The following FRMPD4 variants were observed in gnomAD, a reference collection of about 807,000 sequenced individuals.
FRMPD4 encodes the protein FERM and PDZ domain containing 4.
In FRMPD4, 22 loss-of-function variants were observed where a neutral mutation model predicts 94.1. That is an observed-to-expected ratio of 0.23 (90% CI 0.17 to 0.33). The LOEUF (loss-of-function observed/expected upper bound fraction) is 0.33, where lower values mean the gene tolerates loss of function less well. Among genes scored for constraint, FRMPD4 ranks in the 10% least tolerant of loss-of-function variants. FRMPD4 has a pLI of 1.00. For missense variants in FRMPD4, 1,111 were observed against 1,339.9 expected, an observed-to-expected ratio of 0.83 and a Z score of 2.67; for synonymous variants, 631 against 548.6, an observed-to-expected ratio of 1.15 and a Z score of -2.10.
At chrX:12,011,581 G>A (rs1255173936) in intron 3 of FRMPD4, among the ~76,000 whole-genome samples, 1 of 111,889 alleles carries the variant, frequency 8.9e-6, no homozygotes, top group African/African-American at 3.3e-5. Flanking sequence ...CAACCTTGAA[G>A]TACTGGCTTA....
At chrX:12,552,626 C>T (rs1385873075) in intron 2 of FRMPD4, among the ~76,000 whole-genome samples, 1 of 112,057 alleles carries the variant, frequency 8.9e-6, no homozygotes, top group Admixed American at 9.5e-5. Flanking sequence ...GCTCAATTCA[C>T]AGATTCTTTT....
At chrX:12,135,062 G>T (rs1443865267), upstream of FRMPD4, among the ~76,000 whole-genome samples, 2 of 112,119 alleles carry the variant, frequency 1.8e-5, no homozygotes, top group Non-Finnish European at 3.8e-5. Context: ...TTGAAAGTGT[G>T]TCTGGTTTTC....
At chrX:12,577,304 A>T (rs935854121) in intron 2 of FRMPD4, among the ~76,000 whole-genome samples, 1 of 111,514 alleles carries the variant, frequency 9.0e-6, no homozygotes, top group East Asian at 2.8e-4. Context: ...AATATGATAC[A>T]TGCAATGGGA....
intron 1 of FRMPD4, among the ~76,000 whole-genome samples, chrX:12,254,561 C>G (rs2054088898): frequency 8.9e-6 from 1 of 112,015 alleles, no homozygotes; most frequent in Admixed American, 9.5e-5. Context: ...CAGTTTTCTG[C>G]TCATCTCAGT....
chrX:11,947,781 A>T (rs1326252876), intron 3 of FRMPD4, among the ~76,000 whole-genome samples: 1 of 111,418 alleles, frequency 9.0e-6, no homozygotes, highest in South Asian at 3.8e-4. Context: ...TATCAATATT[A>T]ACTTTAAAAT....
intron 2 of FRMPD4, among the ~76,000 whole-genome samples, chrX:12,607,788 G>T (rs1159302554): frequency 3.6e-5 from 4 of 111,954 alleles, no homozygotes; most frequent in Non-Finnish European, 1.9e-5. Context: ...TTTTCCTACT[G>T]TTCCACCTCC....
At chrX:11,996,204 CTT>C (rs2054495437) in intron 3 of FRMPD4, among the ~76,000 whole-genome samples, 1 of 111,873 alleles carries the variant, frequency 8.9e-6, no homozygotes, top group Non-Finnish European at 1.9e-5. Context: ...TGTGCTGCCT[CTT>C]TGATAAATTA....
intron 3 of FRMPD4, among the ~76,000 whole-genome samples, chrX:11,913,255 T>A (rs1170958906): frequency 8.9e-6 from 1 of 112,299 alleles, no homozygotes; most frequent in Non-Finnish European, 1.9e-5. Context: ...GCATGTCCCA[T>A]GATTGTGAGG....
chrX:12,438,686 C>T (rs1438541186), intron 1 of FRMPD4, among the ~76,000 whole-genome samples: 1 of 111,217 alleles, frequency 9.0e-6, no homozygotes, highest in Non-Finnish European at 1.9e-5. Flanking sequence ...TACATATTTG[C>T]TTAATGAAGG....
intron 1 of FRMPD4, among the ~76,000 whole-genome samples, chrX:12,281,472 T>C (rs1402237663): frequency 9.1e-6 from 1 of 110,390 alleles, no homozygotes; most frequent in Admixed American, 9.6e-5. Context: ...CCTCCCAGAT[T>C]CAAGCGATTC....
At chrX:11,998,298 A>G (rs1407795191) in intron 3 of FRMPD4, among the ~76,000 whole-genome samples, 3 of 111,971 alleles carry the variant, frequency 2.7e-5, no homozygotes, top group African/African-American at 9.8e-5. Context: ...TCATTGATCT[A>G]TATATCCCTT....
intron 2 of FRMPD4, among the ~76,000 whole-genome samples, chrX:12,582,281 G>A (rs1035668210): frequency 1.2e-4 from 13 of 112,138 alleles, no homozygotes; most frequent in Non-Finnish European, 2.4e-4. Flanking sequence ...GACAGAAAAT[G>A]TAAGTAATAA....
intron 2 of FRMPD4, among the ~76,000 whole-genome samples, chrX:12,601,547 C>T (rs1446031487): frequency 9.0e-6 from 1 of 111,715 alleles, no homozygotes; most frequent in Non-Finnish European, 1.9e-5. Context: ...TTCCAACTCC[C>T]ATCTTCGTTC....
At chrX:12,013,191 A>G (rs2054589313) in intron 3 of FRMPD4, among the ~76,000 whole-genome samples, 1 of 111,870 alleles carries the variant, frequency 8.9e-6, no homozygotes, top group South Asian at 3.8e-4. Context: ...TACAATCACA[A>G]GCTTAGCATT....
intron 1 of FRMPD4, among the ~76,000 whole-genome samples, chrX:12,444,111 C>A (rs949003875): frequency 4.6e-5 from 5 of 109,634 alleles, no homozygotes; most frequent in Non-Finnish European, 9.5e-5. Flanking sequence ...CCCCTGATTT[C>A]AGAGAGATGT....
intron 1 of FRMPD4, among the ~76,000 whole-genome samples, chrX:12,273,898 C>G (rs1475847292): frequency 8.9e-6 from 1 of 112,158 alleles, no homozygotes; most frequent in African/African-American, 3.2e-5. Context: ...ACTTTGTTTT[C>G]TTCCACAGGG....
At chrX:11,854,743 C>T (rs554850322) in intron 1 of FRMPD4, among the ~76,000 whole-genome samples, 20 of 112,665 alleles carry the variant, frequency 1.8e-4, no homozygotes, top group African/African-American at 4.5e-4. Flanking sequence ...GCTCCACCCC[C>T]GTGGCTTTGC....
chrX:12,522,430 C>T (rs760580591), intron 2 of FRMPD4, among the ~76,000 whole-genome samples: 2 of 111,043 alleles, frequency 1.8e-5, no homozygotes, highest in African/African-American at 6.5e-5. Flanking sequence ...CTTTGAAGGA[C>T]CACATAGAAT....
intron 1 of FRMPD4, among the ~76,000 whole-genome samples, chrX:12,470,847 T>C (rs1054598792): frequency 5.4e-5 from 6 of 111,981 alleles, no homozygotes; most frequent in Non-Finnish European, 1.1e-4. Context: ...TGTAGCTCCC[T>C]GTTAATACTG....
Sources: allele counts gnomAD v4.1 joint callset (sites outside exome capture counted in the v4.1 genomes callset), GRCh38; gene constraint gnomAD v4.1.1; transcripts MANE v1.5; gene names NCBI Gene and HGNC (gene_info 2026-07-23, HGNC 2026-07-21).